The following FARS2 variants were observed in gnomAD, a reference collection of about 807,000 sequenced individuals.
FARS2 encodes phenylalanine--tRNA ligase, mitochondrial.
In FARS2, 40 loss-of-function variants were observed where a neutral mutation model predicts 46.4. The observed-to-expected ratio is 0.86, with a 90% CI of 0.67 to 1.12. FARS2 has a LOEUF of 1.12. Among genes scored for constraint, FARS2 ranks in the 50% most tolerant of loss-of-function variants. The pLI, the probability that FARS2 is intolerant of heterozygous loss-of-function variation, is 0.00. For synonymous variants in FARS2, 234 were observed against 214.9 expected (o/e 1.09, Z -0.78); for missense variants, 513 against 567.9 (o/e 0.90, Z 0.98).
In FARS2 at chr6:5,311,158, T is replaced by TG. The variant is rs1243535480; in HGVS notation, c.-22+49499dup. On this transcript the variant is annotated intron_variant, in intron 1 of 6. Transcript: ENST00000274680. This position sits in a 1 kb window ranked among gnomAD's most constrained non-coding sequence, Gnocchi z 4.1. ...AGGTGATGATATGGTTTGTAGTTGTTGCGAGTGAAGAGGATTTGTATGTGC... is the reference window on the plus strand; with the variant it reads ...AGGTGATGATATGGTTTGTAGTTGTTGGCGAGTGAAGAGGATTTGTATGTGC... Among the ~76,000 whole-genome samples the TG allele has an allele frequency of 6.6e-6, 1 of 152,244 alleles. No individual in the cohort carries two copies. The highest frequency in any genetic ancestry group is 1.9e-4 in the East Asian group (1 of 5,204).
chr6:5,523,417 T>TC (rs1491361191), intron 4 of FARS2, among the ~76,000 whole-genome samples: 2 of 106,670 alleles, frequency 1.9e-5, no homozygotes, highest in Non-Finnish European at 4.2e-5. Flanking sequence ...ATATGCTATC[T>TC]TTTTTTTTTT....
intron 4 of FARS2, among the ~76,000 whole-genome samples, chr6:5,476,770 C>G (rs551436978): frequency 6.6e-6 from 1 of 152,224 alleles, no homozygotes; most frequent in African/African-American, 2.4e-5. Context: ...TGTGACAAAC[C>G]TAACAGGACT....
intron 4 of FARS2, among the ~76,000 whole-genome samples, chr6:5,479,497 G>A (rs1332761745): frequency 6.6e-6 from 1 of 152,170 alleles, no homozygotes; most frequent in East Asian, 1.9e-4. Flanking sequence ...TAGTCATCTA[G>A]TTTTAACTCC....
intron 4 of FARS2, among the ~76,000 whole-genome samples, chr6:5,433,315 A>G (rs1157576360): frequency 6.6e-6 from 1 of 152,224 alleles, no homozygotes; most frequent in Non-Finnish European, 1.5e-5. Flanking sequence ...AGGGTCTGGC[A>G]CACAGCAAGC....
chr6:5,688,385 A>C (rs1312446998), intron 6 of FARS2, among the ~76,000 whole-genome samples: 1 of 152,080 alleles, frequency 6.6e-6, no homozygotes, highest in Non-Finnish European at 1.5e-5. Context: ...ATCAATACCT[A>C]ATTTATTGAG....
intron 6 of FARS2, among the ~76,000 whole-genome samples, chr6:5,670,147 C>T (rs571952231): frequency 3.9e-5 from 6 of 152,250 alleles, no homozygotes; most frequent in Non-Finnish European, 7.4e-5. Context: ...ATATATGCAG[C>T]CAAGCATAGG....
chr6:5,544,868 AG>A (rs1467478112), intron 4 of FARS2, among the ~76,000 whole-genome samples: 8 of 152,216 alleles, frequency 5.3e-5, no homozygotes, highest in Non-Finnish European at 8.8e-5. Flanking sequence ...AATCAGAGCA[AG>A]CAAAGACTAC....
chr6:5,597,812 C>T (rs568160802), intron 5 of FARS2, among the ~76,000 whole-genome samples: 117 of 152,146 alleles, frequency 7.7e-4, no homozygotes, highest in Middle Eastern at 3.4e-3. Flanking sequence ...ATGCATAAAC[C>T]GTAGCCAATA....
At chr6:5,256,163 G>C (rs546962644), upstream of FARS2, among the ~76,000 whole-genome samples, 66 of 152,156 alleles carry the variant, frequency 4.3e-4, no homozygotes, top group African/African-American at 1.6e-3. Context: ...TGAAGGAGTT[G>C]GCTGAAGAAG....
intron 3 of FARS2, among the ~76,000 whole-genome samples, chr6:5,423,866 G>A (rs1257308571): frequency 6.6e-6 from 1 of 152,046 alleles, no homozygotes; most frequent in Non-Finnish European, 1.5e-5. Context: ...TGAAGTGTAG[G>A]TCATGAATGA....
At chr6:5,677,671 G>T (rs1009265563) in intron 6 of FARS2, among the ~76,000 whole-genome samples, 3 of 152,204 alleles carry the variant, frequency 2.0e-5, no homozygotes, top group Non-Finnish European at 4.4e-5. Context: ...CAAGCAAGGG[G>T]CTGTAGTCAA....
chr6:5,533,779 A>G (rs540957005), intron 4 of FARS2, among the ~76,000 whole-genome samples: 51 of 152,318 alleles, frequency 3.3e-4, no homozygotes, highest in African/African-American at 1.2e-3. Context: ...GGGACCTGAA[A>G]CAGATGGAAG....
intron 6 of FARS2, among the ~76,000 whole-genome samples, chr6:5,712,389 C>T (rs560642870): frequency 6.6e-6 from 1 of 152,316 alleles, no homozygotes. Flanking sequence ...TTCTGGTTTC[C>T]AGGCCTCCCA....
chr6:5,743,155 A>C (rs558779408), intron 6 of FARS2, among the ~76,000 whole-genome samples: 1 of 152,202 alleles, frequency 6.6e-6, no homozygotes, highest in South Asian at 2.1e-4. Context: ...TCTCTTGGGA[A>C]CCTTTAAGGA....
intron 1 of FARS2, among the ~76,000 whole-genome samples, chr6:5,346,745 A>G (rs533413537): frequency 1.3e-5 from 2 of 151,296 alleles, no homozygotes; most frequent in Admixed American, 6.6e-5. Context: ...TCTATCCTCC[A>G]ACAATTCTTT....
At chr6:5,726,583 A>C (rs1210561906) in intron 6 of FARS2, among the ~76,000 whole-genome samples, 2 of 152,202 alleles carry the variant, frequency 1.3e-5, no homozygotes, top group Non-Finnish European at 2.9e-5. Context: ...ATATTTCTGC[A>C]ATTGTCTTAA....
At position 5,405,842 on chromosome 6, in the gene FARS2, G is replaced by A. The variant is rs140502040; in HGVS notation, c.772+1141G>A. Among the ~76,000 whole-genome samples the A allele has an allele frequency of 2.7e-3, 416 of 152,134 alleles. 1 individual carries two copies. The highest frequency in any genetic ancestry group is 9.3e-3 in the African/African-American group (388 of 41,498). On this transcript the variant is annotated intron_variant, in intron 3 of 6. Transcript: ENST00000274680. ...TGAATGAACCAGTGGAAAACTTTAC[G>A]TATTGCCATACTGATTACCACTATC...
intron 4 of FARS2, among the ~76,000 whole-genome samples, chr6:5,484,882 C>G (rs1766683887): frequency 6.6e-6 from 1 of 152,182 alleles, no homozygotes; most frequent in Admixed American, 6.5e-5. Flanking sequence ...CTGTTCACCT[C>G]TCTGAGGGGG....
chr6:5,327,169 G>A (rs1394003865), intron 1 of FARS2, among the ~76,000 whole-genome samples: 1 of 152,110 alleles, frequency 6.6e-6, no homozygotes, highest in East Asian at 1.9e-4. Flanking sequence ...TAACAAAAAA[G>A]GAAGGAAAAG....
Sources: gnomAD v4.1 joint callset for allele counts (sites outside exome capture counted in the v4.1 genomes callset) on GRCh38, gnomAD v4.1.1 for gene constraint, Gnocchi (gnomAD v3.1) non-coding constraint, MANE v1.5 for transcripts, NCBI Gene and HGNC (gene_info 2026-07-23, HGNC 2026-07-21) for gene names.